LINGO2: variants seen among roughly 807,000 people sequenced by gnomAD.
LINGO2 encodes the protein leucine-rich repeat and immunoglobulin-like domain-containing nogo receptor-interacting protein 2.
LINGO2 carries 14 observed loss-of-function variants against 30.6 expected under a neutral mutation model. The ratio of observed to expected loss-of-function variants is 0.46; its 90% CI spans 0.30 to 0.72. The LOEUF (loss-of-function observed/expected upper bound fraction) is 0.72. Ranked by LOEUF, LINGO2 falls within the 30% of genes least tolerant of loss-of-function variation. LINGO2 has a pLI of 0.07. For synonymous variants in LINGO2, 317 were observed against 288.5 expected (o/e 1.10, Z -1.00); for missense variants, 729 against 751.7 (o/e 0.97, Z 0.35).
chr9:28,649,307 T>A (rs1276469004), intron 1 of LINGO2, among the ~76,000 whole-genome samples: 2 of 150,906 alleles, frequency 1.3e-5, no homozygotes, highest in Admixed American at 6.7e-5. Context: ...CCATAGTACA[T>A]AATGACAAGC....
intron 4 of LINGO2, among the ~76,000 whole-genome samples, chr9:28,146,428 C>T (rs962410331): frequency 6.6e-6 from 1 of 151,952 alleles, no homozygotes; most frequent in Non-Finnish European, 1.5e-5. Flanking sequence ...AGAGAAAGTA[C>T]AAATATTGAT....
intron 3 of LINGO2, among the ~76,000 whole-genome samples, chr9:28,359,199 G>A (rs996009392): frequency 6.6e-6 from 1 of 152,070 alleles, no homozygotes; most frequent in African/African-American, 2.4e-5. Context: ...GCAATGTAGG[G>A]GAGAACTGAG....
At chr9:28,784,928 C>T in the LINGO2 span, among the ~76,000 whole-genome samples, 1 of 144,144 alleles carries the variant, frequency 6.9e-6, no homozygotes, top group African/African-American at 2.6e-5. Flanking sequence ...AGCCTGGCGA[C>T]AGAGCGAGAC....
intron 1 of LINGO2, among the ~76,000 whole-genome samples, chr9:28,561,749 G>GTGTGTGTATATATATA (rs772157537): frequency 1.2e-4 from 6 of 48,754 alleles, no homozygotes; most frequent in South Asian, 6.5e-4. Context: ...GTGTGTGTGT[G>GTGTGTGTATATATATA]TATATATATA....
the LINGO2 span, among the ~76,000 whole-genome samples, chr9:28,693,007 T>C: frequency 0.11 from 16,732 of 152,084 alleles, 1,089 homozygotes; most frequent in East Asian, 0.2. Context: ...CGAGAATTCC[T>C]AGATCTATGA....
At chr9:28,299,000 C>G (rs1355971526) in intron 3 of LINGO2, among the ~76,000 whole-genome samples, 2 of 152,146 alleles carry the variant, frequency 1.3e-5, no homozygotes, top group Admixed American at 6.5e-5. Context: ...ACACTACTAC[C>G]CTTTTAGTAT....
At chr9:28,012,056 G>A (rs989967017) in intron 5 of LINGO2, among the ~76,000 whole-genome samples, 3 of 152,114 alleles carry the variant, frequency 2.0e-5, no homozygotes, top group African/African-American at 7.2e-5. Context: ...TGCCAGCTTT[G>A]TGTCAGTACA....
At chr9:28,099,989 T>G (rs1201652747) in intron 4 of LINGO2, among the ~76,000 whole-genome samples, 1 of 152,222 alleles carries the variant, frequency 6.6e-6, no homozygotes, top group Non-Finnish European at 1.5e-5. Flanking sequence ...GAAAATCTAC[T>G]GTGTTCTCTG....
chr9:28,067,107 G>C (rs1304498876), intron 4 of LINGO2, among the ~76,000 whole-genome samples: 3 of 152,008 alleles, frequency 2.0e-5, no homozygotes, highest in African/African-American at 7.2e-5. Context: ...AGCACTCAAA[G>C]TTTCAAAATA....
chr9:28,119,585 G>T (rs1482724235), intron 4 of LINGO2, among the ~76,000 whole-genome samples: 1 of 152,144 alleles, frequency 6.6e-6, no homozygotes, highest in Non-Finnish European at 1.5e-5. Context: ...AACATTCAGT[G>T]ACTAACAGCT....
At chr9:28,210,715 G>A (rs1443251320) in intron 4 of LINGO2, among the ~76,000 whole-genome samples, 1 of 151,628 alleles carries the variant, frequency 6.6e-6, no homozygotes. Context: ...AACTGGTAGA[G>A]TTTTATGAAT....
chr9:28,820,815 G>A, the LINGO2 span, among the ~76,000 whole-genome samples: 1 of 152,122 alleles, frequency 6.6e-6, no homozygotes. Context: ...ATTCAGTGAA[G>A]GCCAATAATC....
At chr9:28,243,597 T>C (rs557002345) in intron 4 of LINGO2, among the ~76,000 whole-genome samples, 1 of 151,572 alleles carries the variant, frequency 6.6e-6, no homozygotes, top group African/African-American at 2.4e-5. Context: ...TGGAAGAATA[T>C]TTACCAAGCA....
chr9:28,846,038 C>T, the LINGO2 span, among the ~76,000 whole-genome samples: 1 of 151,250 alleles, frequency 6.6e-6, no homozygotes, highest in African/African-American at 2.4e-5. Context: ...ACACACACAC[C>T]AACCATCAGA....
chr9:28,268,647 A>G (rs1822837367), intron 4 of LINGO2, among the ~76,000 whole-genome samples: 1 of 152,126 alleles, frequency 6.6e-6, no homozygotes, highest in Non-Finnish European at 1.5e-5. Flanking sequence ...TTACATGAGT[A>G]TAAAATTAAA....
chr9:28,684,699 A>G, the LINGO2 span, among the ~76,000 whole-genome samples: 1 of 151,266 alleles, frequency 6.6e-6, no homozygotes, highest in African/African-American at 2.4e-5. Context: ...TTGTATTTTT[A>G]GTAGAGACAG....
chr9:28,423,348 GA>G (rs1279200825), intron 2 of LINGO2, among the ~76,000 whole-genome samples: 2 of 151,290 alleles, frequency 1.3e-5, no homozygotes, highest in African/African-American at 2.4e-5. Context: ...AGAAATAAGG[GA>G]AAAAAAATTA....
chr9:28,587,138 C>G (rs1275239497), intron 1 of LINGO2, among the ~76,000 whole-genome samples: 1 of 151,914 alleles, frequency 6.6e-6, no homozygotes, highest in Non-Finnish European at 1.5e-5. Flanking sequence ...GTGGCTGGGC[C>G]ATTGTGAGGG....
At chr9:28,194,579 A>AT (rs34948956) in intron 4 of LINGO2, among the ~76,000 whole-genome samples, 5 of 149,150 alleles carry the variant, frequency 3.4e-5, no homozygotes, top group African/African-American at 1.2e-4. Flanking sequence ...AAAAAAAAAA[A>AT]ATGGCTAAAT....
Sources: allele counts gnomAD v4.1 joint callset (sites outside exome capture counted in the v4.1 genomes callset), GRCh38; gene constraint gnomAD v4.1.1; transcripts MANE v1.5; gene names NCBI Gene and HGNC (gene_info 2026-07-23, HGNC 2026-07-21).